The following SEC23B variants were observed in gnomAD, a reference collection of about 807,000 sequenced individuals.
SEC23B encodes protein transport protein Sec23B.
In SEC23B, 77 loss-of-function variants were observed where a neutral mutation model predicts 104.3. That is an observed-to-expected ratio of 0.74 (90% CI 0.61 to 0.89). SEC23B has a LOEUF of 0.89. Ranked by LOEUF, SEC23B falls within the 40% of genes least tolerant of loss-of-function variation. The pLI, the probability that SEC23B is intolerant of heterozygous loss-of-function variation, is 0.00. For synonymous variants in SEC23B, 338 were observed against 332.5 expected (o/e 1.02, Z -0.18); for missense variants, 885 against 949.4 (o/e 0.93, Z 0.89).
chr20:18,514,992 G>A (rs1358484787), intron 3 of SEC23B, among the ~76,000 whole-genome samples: 1 of 152,148 alleles, frequency 6.6e-6, no homozygotes, highest in Admixed American at 6.5e-5. Flanking sequence ...TTAATTTGCA[G>A]GGCAAAACTT....
chr20:18,551,599 A>T (rs868817450), intron 17 of SEC23B, among the ~76,000 whole-genome samples: 2 of 152,080 alleles, frequency 1.3e-5, no homozygotes, highest in Non-Finnish European at 2.9e-5. Context: ...CTGTAGTCCC[A>T]TCTACTTGGG....
chr20:18,525,703 A>G, intron 6 of SEC23B, 85 bp from the exon 7 acceptor site: 1 of 1,375,006 alleles, frequency 7.3e-7, no homozygotes, highest in East Asian at 2.3e-5. Context: ...AATTATCTTG[A>G]AGAGCAGTAA....
chr20:18,508,966 C>CG (rs1279438572), intron 1 of SEC23B, among the ~76,000 whole-genome samples: 1 of 152,166 alleles, frequency 6.6e-6, no homozygotes, highest in Non-Finnish European at 1.5e-5. Flanking sequence ...GGTCATCCAC[C>CG]GGCCTCGGTC....
At chr20:18,556,757 G>A (rs2060442493) in intron 19 of SEC23B, among the ~76,000 whole-genome samples, 1 of 152,156 alleles carries the variant, frequency 6.6e-6, no homozygotes, top group African/African-American at 2.4e-5. Context: ...CAGCACTTTG[G>A]GAGGCCAAGG....
At chr20:18,546,903 GTTT>G (rs58809009) in intron 15 of SEC23B, among the ~76,000 whole-genome samples, 37,843 of 115,322 alleles carry the variant, frequency 0.33, 6,612 homozygotes, top group Non-Finnish European at 0.38. Flanking sequence ...GTGGTTTGCA[GTTT>G]TTTTTTTTTT....
Position 18,560,965 on chromosome 20 carries a change from T to C in SEC23B, c.*225T>C. ...ATGTTTTGGTACTTGTAGATGTTTA[T>C]GTGCTTTTTGTATCCTAACTTTTAG... On this transcript the variant is annotated 3_prime_UTR_variant, in exon 20 of 20. Coordinates refer to ENST00000650089, the MANE Select transcript of SEC23B (RefSeq NM_006363.6). 1 of 524,854 alleles carries C rather than the reference T, an allele frequency of 1.9e-6. No homozygotes were observed. The highest frequency in any genetic ancestry group is 3.4e-5 in the East Asian group (1 of 29,416). The allele number at this position is 524,854 out of a possible 1,614,324, so 32.5% of individuals were successfully genotyped here.
At chr20:18,507,614 A>G (rs1304470945), upstream of SEC23B, 1 of 152,206 alleles carries the variant, frequency 6.6e-6, no homozygotes, top group African/African-American at 2.4e-5. Flanking sequence ...AGACGAGCGG[A>G]TGTCATATTG....
At position 18,527,481 on chromosome 20, in the gene SEC23B, T is replaced by C. The variant is rs745583678; in HGVS notation, c.994-15T>C. ...ATGTCACTGTTTCCTAAAGATAGCT[T>C]TCCTCTCTTCACAGCACTATGAGAT... On this transcript the variant is annotated splice_polypyrimidine_tract_variant and intron_variant, in intron 8 of 19. Transcript: ENST00000650089. 7 of 1,443,322 alleles carry C rather than the reference T, an allele frequency of 4.8e-6. No individual in the cohort carries two copies. Among genetic ancestry groups the C allele is most frequent in the Non-Finnish European group, 5.9e-6 (6 of 1,023,942 alleles). The allele number at this position is 1,443,322 out of a possible 1,614,324, so 89.4% of individuals were successfully genotyped here.
intron 12 of SEC23B, among the ~76,000 whole-genome samples, chr20:18,536,396 A>G (rs991556203): frequency 6.6e-6 from 1 of 152,236 alleles, no homozygotes; most frequent in African/African-American, 2.4e-5. Flanking sequence ...GCATAGTTAA[A>G]AATCCACATA....
In SEC23B at chr20:18,561,064, TA is replaced by T. The variant is rs1322232328; in HGVS notation, c.*327del. ...AGAATCTTAATGATCATAAAGGAAA[TA>T]AATCTAGATGCAGAAAGTACTGGCT... On this transcript the variant is annotated 3_prime_UTR_variant, in exon 20 of 20. Coordinates refer to ENST00000650089, the MANE Select transcript of SEC23B (RefSeq NM_006363.6). 4 of 346,046 alleles carry T rather than the reference TA, an allele frequency of 1.2e-5. No homozygotes were observed. Among genetic ancestry groups the T allele is most frequent in the Non-Finnish European group, 2.2e-5 (4 of 181,114 alleles). 21.4% of individuals were successfully genotyped at this position (346,046 alleles called of 1,614,324 possible).
Position 18,542,311 on chromosome 20 carries a change from C to G in SEC23B, c.1420C>G (p.Pro474Ala). ...EVVNQHNTPI[P>A]QGGRGAIQFV... Reference sequence around the variant, plus strand: ...CATCCTACAGCACAACACCCCGATCCCCCAAGGAGGCAGAGGAGCCATCCA... The same window carrying G: ...CATCCTACAGCACAACACCCCGATCGCCCAAGGAGGCAGAGGAGCCATCCA... Residue 474 changes from proline (P) to alanine (A), a missense_variant, in exon 13 of 20, where the codon CCC becomes GCC. Pro to Ala is a conservative substitution (Grantham distance 27). Transcript: ENST00000650089. 1 of 1,614,134 alleles carries G rather than the reference C, an allele frequency of 6.2e-7. No individual in the cohort carries two copies. The highest frequency in any genetic ancestry group is 8.5e-7 in the Non-Finnish European group (1 of 1,180,014).
intron 17 of SEC23B, among the ~76,000 whole-genome samples, chr20:18,552,057 C>T (rs147243971): frequency 2.5e-4 from 38 of 152,246 alleles, no homozygotes; most frequent in African/African-American, 9.1e-4. Flanking sequence ...TTATTTGCAT[C>T]TTTATGGCAA....
intron 17 of SEC23B, 100 bp downstream of exon 17, chr20:18,551,275 C>T (rs1600276789): frequency 5.7e-6 from 4 of 698,110 alleles, no homozygotes; most frequent in Admixed American, 5.1e-5. Flanking sequence ...TTGTCCTTAA[C>T]TATGGTTTTT....
At chr20:18,535,087 G>A (rs1319873548) in intron 11 of SEC23B, among the ~76,000 whole-genome samples, 1 of 152,090 alleles carries the variant, frequency 6.6e-6, no homozygotes, top group Non-Finnish European at 1.5e-5. Flanking sequence ...CTCCACCTTA[G>A]AGCTGCTGTG....
intron 14 of SEC23B, among the ~76,000 whole-genome samples, chr20:18,544,844 A>G (rs77563926): frequency 0.094 from 14,366 of 152,144 alleles, 858 homozygotes; most frequent in East Asian, 0.27. Context: ...ATGTAAACTG[A>G]AAGAATTGAT....
Position 18,535,742 on chromosome 20 carries a change from G to A in SEC23B, c.1404G>A (p.Gln468=), listed in dbSNP as rs1176114791. Residue 468 remains glutamine (Q), a splice_region_variant and synonymous_variant, in exon 12 of 20, where the codon CAG becomes CAA. Transcript: ENST00000650089. ...GCATCTATTTTGAAGTTGTCAATCAGGTGAGTTGGATTTCTTCACATGTCT... is the reference window on the plus strand; with the variant it reads ...GCATCTATTTTGAAGTTGTCAATCAAGTGAGTTGGATTTCTTCACATGTCT... ...TLGIYFEVVN[Q]HNTPIPQGGR... 6.2e-7 allele frequency: 1 copy of A among 1,610,602 alleles called. No homozygotes were observed. Among genetic ancestry groups the A allele is most frequent in the Admixed American group, 1.7e-5 (1 of 60,004 alleles).
Position 18,561,341 on chromosome 20 carries a change from G to A in SEC23B, c.*601G>A, listed in dbSNP as rs1448322959. The A allele has an allele frequency of 6.6e-6, 1 of 152,380 alleles. No individual in the cohort carries two copies. The highest frequency in any genetic ancestry group is 1.5e-5 in the Non-Finnish European group (1 of 68,240). 9.4% of individuals were successfully genotyped at this position (152,380 alleles called of 1,614,324 possible). A position where few individuals can be genotyped will look rare whatever the true frequency, so the allele number is the denominator to read the frequency against. ...AACCTCTCCTTACAAGATTTTTGTT[G>A]TTGATGTATTTAATTTTAGCCCATG... On this transcript the variant is annotated 3_prime_UTR_variant, in exon 20 of 20. Coordinates refer to ENST00000650089, the MANE Select transcript of SEC23B (RefSeq NM_006363.6).
intron 11 of SEC23B, among the ~76,000 whole-genome samples, chr20:18,534,142 C>T (rs2060208527): frequency 6.6e-6 from 1 of 152,154 alleles, no homozygotes; most frequent in Non-Finnish European, 1.5e-5. Flanking sequence ...TTATTTGCCA[C>T]ATTTGATTTA....
At chr20:18,508,089 A>C (rs969348500) in intron 1 of SEC23B, 117 bp downstream of exon 1, 10 of 152,148 alleles carry the variant, frequency 6.6e-5, no homozygotes, top group African/African-American at 2.4e-4. Flanking sequence ...TTTTCTTGAC[A>C]GTTTAGGGTA....
Sources: allele counts gnomAD v4.1 joint callset (sites outside exome capture counted in the v4.1 genomes callset), GRCh38; gene constraint gnomAD v4.1.1; transcripts MANE v1.5; gene names NCBI Gene and HGNC (gene_info 2026-07-23, HGNC 2026-07-21).